Variants in ERC2 observed in about 807,000 individuals in gnomAD.
ERC2 encodes ELKS/RAB6-interacting/CAST family member 2.
A neutral mutation model predicts 114.8 loss-of-function variants in ERC2; 42 were observed. That is an observed-to-expected ratio of 0.37 (90% CI 0.29 to 0.47). The LOEUF is 0.47. Among genes scored for constraint, ERC2 ranks in the 20% least tolerant of loss-of-function variants. ERC2 has a pLI of 0.99. For missense variants in ERC2, 939 were observed against 1,150.7 expected (o/e 0.82, Z 2.66); for synonymous variants, 454 against 425.5 (o/e 1.07, Z -0.82).
chr3:55,650,340 C>T (rs1033389792), intron 17 of ERC2, among the ~76,000 whole-genome samples: 1 of 152,138 alleles, frequency 6.6e-6, no homozygotes, highest in African/African-American at 2.4e-5. Context: ...TACCACCCAC[C>T]TCTCCAATTT....
chr3:56,396,122 A>G (rs755105267), intron 2 of ERC2, among the ~76,000 whole-genome samples: 1 of 152,234 alleles, frequency 6.6e-6, no homozygotes, highest in African/African-American at 2.4e-5. Flanking sequence ...TTGTACAACC[A>G]TTTGGAAGGC....
At chr3:56,176,239 A>T (rs2150031916) in intron 3 of ERC2, among the ~76,000 whole-genome samples, 1 of 152,302 alleles carries the variant, frequency 6.6e-6, no homozygotes. Context: ...ACCATAACCA[A>T]TCCTAGTTCC....
chr3:56,022,517 CT>C (rs373930924), intron 7 of ERC2, among the ~76,000 whole-genome samples: 193 of 152,162 alleles, frequency 1.3e-3, no homozygotes, highest in African/African-American at 4.6e-3. Flanking sequence ...AAAATTTAAA[CT>C]TAAAAGACTG....
intron 14 of ERC2, among the ~76,000 whole-genome samples, chr3:55,841,993 A>C (rs2061154480): frequency 6.6e-6 from 1 of 152,216 alleles, no homozygotes; most frequent in Non-Finnish European, 1.5e-5. Context: ...CATATTCAGG[A>C]AAAAGGGGAC....
intron 7 of ERC2, among the ~76,000 whole-genome samples, chr3:56,056,336 T>C (rs1443087337): frequency 3.3e-5 from 5 of 152,138 alleles, no homozygotes; most frequent in Non-Finnish European, 7.4e-5. Context: ...CTCAATGTCA[T>C]GAGGGTGTTG....
chr3:56,082,233 T>C (rs572118663), intron 6 of ERC2, among the ~76,000 whole-genome samples: 2 of 152,032 alleles, frequency 1.3e-5, no homozygotes, highest in African/African-American at 2.4e-5. Flanking sequence ...TAGGAGGTGA[T>C]TAGGTCATGA....
At chr3:56,301,976 GA>G (rs2055907509) in intron 2 of ERC2, among the ~76,000 whole-genome samples, 1 of 152,086 alleles carries the variant, frequency 6.6e-6, no homozygotes, top group South Asian at 2.1e-4. Context: ...CATCAATCAG[GA>G]TAGGCTTAGG....
intron 17 of ERC2, chr3:55,613,167 G>C (rs951191598): frequency 2.0e-5 from 3 of 152,226 alleles, no homozygotes; most frequent in Non-Finnish European, 4.4e-5. Flanking sequence ...TCAGAACCTA[G>C]TTCCAGTTAG....
intron 3 of ERC2, among the ~76,000 whole-genome samples, chr3:56,224,447 T>C (rs1286266594): frequency 7.0e-6 from 1 of 143,764 alleles, no homozygotes. Context: ...TTTTTCATGG[T>C]GATGGAAATA....
intron 17 of ERC2, among the ~76,000 whole-genome samples, chr3:55,592,895 G>C (rs1029756856): frequency 6.6e-6 from 1 of 152,144 alleles, no homozygotes; most frequent in Non-Finnish European, 1.5e-5. Flanking sequence ...TACTGTACCC[G>C]TTAAAATGCA....
chr3:55,683,848 C>T lies in ERC2; in HGVS notation c.2859G>A (p.Glu953=). 2 of 1,613,140 alleles carry T rather than the reference C, an allele frequency of 1.2e-6. No individual in the cohort carries two copies. The highest frequency in any genetic ancestry group is 1.7e-6 in the Non-Finnish European group (2 of 1,179,560). ...ACAGGCCCGGCTATGCCCATATGCCCTCCTCGTCATCCTGCGGCCGGCCCG... is the reference window on the plus strand; with the variant it reads ...ACAGGCCCGGCTATGCCCATATGCCTTCCTCGTCATCCTGCGGCCGGCCCG... ...HRPSPDQDDE[E]GIWA is the part of the protein sequence containing the mutation. Residue 953 remains glutamate (E), a synonymous_variant, in exon 17 of 18, where the codon GAG becomes GAA. Transcript: ENST00000288221.
chr3:56,029,823 A>C (rs944389179), intron 7 of ERC2, among the ~76,000 whole-genome samples: 7 of 151,776 alleles, frequency 4.6e-5, no homozygotes, highest in Admixed American at 1.3e-4. Flanking sequence ...GATTTTATTA[A>C]ATTTTGCTCC....
At chr3:56,108,483 T>A in intron 6 of ERC2, among the ~76,000 whole-genome samples, 1 of 152,108 alleles carries the variant, frequency 6.6e-6, no homozygotes, top group East Asian at 1.9e-4. Flanking sequence ...AAAATAATGA[T>A]CTGAATACAA....
chr3:56,281,131 T>C (rs2054309621), intron 3 of ERC2, among the ~76,000 whole-genome samples: 1 of 152,186 alleles, frequency 6.6e-6, no homozygotes, highest in South Asian at 2.1e-4. Context: ...TCATTTGCTA[T>C]AGGACATTAA....
chr3:56,345,830 T>C (rs2058286264), intron 2 of ERC2, among the ~76,000 whole-genome samples: 2 of 152,186 alleles, frequency 1.3e-5, no homozygotes, highest in Admixed American at 1.3e-4. Flanking sequence ...GCATGCAATC[T>C]GTAAGCATAT....
At chr3:55,677,173 C>T (rs1224921172) in intron 17 of ERC2, among the ~76,000 whole-genome samples, 3 of 152,196 alleles carry the variant, frequency 2.0e-5, no homozygotes, top group Non-Finnish European at 4.4e-5. Flanking sequence ...TTTCATGTTA[C>T]TCATTAGATT....
intron 17 of ERC2, chr3:55,657,874 G>A (rs1472667621): frequency 2.0e-5 from 3 of 152,332 alleles, no homozygotes; most frequent in African/African-American, 7.2e-5. Flanking sequence ...TGTGTAAAGT[G>A]CTGAGGAGTG....
At chr3:55,915,988 T>G (rs150289085) in intron 13 of ERC2, among the ~76,000 whole-genome samples, 8 of 152,246 alleles carry the variant, frequency 5.3e-5, no homozygotes, top group African/African-American at 1.9e-4. Flanking sequence ...AACATGCATA[T>G]TCATAGTATT....
At chr3:56,094,138 G>A (rs2077935197) in intron 6 of ERC2, among the ~76,000 whole-genome samples, 1 of 152,058 alleles carries the variant, frequency 6.6e-6, no homozygotes, top group Non-Finnish European at 1.5e-5. Flanking sequence ...ATATTTTTAG[G>A]AAAGGCTGTT....
Sources: allele counts gnomAD v4.1 joint callset (sites outside exome capture counted in the v4.1 genomes callset), GRCh38; gene constraint gnomAD v4.1.1; transcripts MANE v1.5; gene names NCBI Gene and HGNC (gene_info 2026-07-23, HGNC 2026-07-21).